Variants in NEDD4L observed in about 807,000 individuals in gnomAD.
NEDD4L encodes the protein E3 ubiquitin-protein ligase NEDD4-like.
Under a neutral mutation model 148.9 loss-of-function variants are expected in NEDD4L, and 54 were observed. The ratio of observed to expected loss-of-function variants is 0.36; its 90% CI spans 0.29 to 0.45. The LOEUF is 0.45. Among genes scored for constraint, NEDD4L ranks in the 20% least tolerant of loss-of-function variants. The pLI is 1.00. For missense variants in NEDD4L, 856 were observed against 1,233.8 expected (o/e 0.69, Z 4.59); for synonymous variants, 433 against 440.7 (o/e 0.98, Z 0.22).
intron 5 of NEDD4L, among the ~76,000 whole-genome samples, chr18:58,263,972 T>C (rs1280910931): frequency 6.7e-6 from 1 of 150,254 alleles, no homozygotes; most frequent in East Asian, 1.9e-4. Context: ...TGGGCTTCTT[T>C]TATATGGTCT....
intron 16 of NEDD4L, among the ~76,000 whole-genome samples, chr18:58,345,508 G>A (rs1040392707): frequency 6.6e-6 from 1 of 152,190 alleles, no homozygotes; most frequent in Non-Finnish European, 1.5e-5. Flanking sequence ...AAACTGGTAG[G>A]ACAGGTTGAA....
chr18:58,351,502 T>C (rs1415497263), intron 18 of NEDD4L, among the ~76,000 whole-genome samples: 1 of 152,254 alleles, frequency 6.6e-6, no homozygotes, highest in Non-Finnish European at 1.5e-5. Context: ...ATTCACGGCA[T>C]GTTTCCTTGC....
At chr18:58,321,418 G>T (rs891026120) in intron 6 of NEDD4L, among the ~76,000 whole-genome samples, 1 of 152,228 alleles carries the variant, frequency 6.6e-6, no homozygotes, top group Admixed American at 6.5e-5. Context: ...GGCAGATGAG[G>T]ACAGGATGGT....
chr18:58,298,934 T>G (rs1477956511), intron 5 of NEDD4L, among the ~76,000 whole-genome samples: 7 of 152,262 alleles, frequency 4.6e-5, no homozygotes, highest in Admixed American at 2.6e-4. Flanking sequence ...TGAGGATTAC[T>G]TAGCCATCAC....
intron 5 of NEDD4L, among the ~76,000 whole-genome samples, chr18:58,309,770 G>A (rs1460496300): frequency 6.6e-6 from 1 of 151,990 alleles, no homozygotes; most frequent in African/African-American, 2.4e-5. Flanking sequence ...ATTTGGTGTG[G>A]GGCAGAGAAC....
At chr18:58,129,604 G>T (rs188186365) in intron 1 of NEDD4L, among the ~76,000 whole-genome samples, 1 of 152,366 alleles carries the variant, frequency 6.6e-6, no homozygotes, top group African/African-American at 2.4e-5. Flanking sequence ...TCATTAAGCT[G>T]TGTGTTCTTA....
chr18:58,277,599 G>C (rs1177970436), intron 5 of NEDD4L, among the ~76,000 whole-genome samples: 1 of 152,110 alleles, frequency 6.6e-6, no homozygotes, highest in Non-Finnish European at 1.5e-5. Flanking sequence ...GGTGTAAATG[G>C]GGTAATTAAA....
In NEDD4L at chr18:58,341,156, G is replaced by A. The variant is rs1257608713; in HGVS notation, c.1244G>A (p.Arg415Gln). The A allele has an allele frequency of 4.3e-6, 7 of 1,612,578 alleles. No homozygotes were observed. Among genetic ancestry groups the A allele is most frequent in the South Asian group, 1.1e-5 (1 of 90,444 alleles). Residue 415 changes from arginine (R) to glutamine (Q), a missense_variant, in exon 14 of 31, where the codon CGA becomes CAA. Arg to Gln is a conservative substitution (Grantham distance 43). Around this residue, in one of 4 missense-constraint regions of NEDD4L, gnomAD observed 367 missense variants for 422.7 expected, o/e 0.87. Coordinates refer to ENST00000400345, the MANE Select transcript of NEDD4L (RefSeq NM_001144967.3). The part of the protein sequence containing the change: ...NHNNRTTTWT[R>Q]PIMQLAEDGA... Reference sequence around the variant, plus strand: ...AACAATCGAACCACAACTTGGACTCGACCTATCATGCAGGTACGAAGATTG... The same window carrying A: ...AACAATCGAACCACAACTTGGACTCAACCTATCATGCAGGTACGAAGATTG...
intron 26 of NEDD4L, among the ~76,000 whole-genome samples, chr18:58,387,059 C>T (rs1323308816): frequency 1.3e-5 from 2 of 152,164 alleles, no homozygotes; most frequent in Non-Finnish European, 2.9e-5. Context: ...CTCTGTGTTT[C>T]TTCTCCCTGC....
At chr18:58,101,534 T>A (rs2084752194) in intron 1 of NEDD4L, among the ~76,000 whole-genome samples, 1 of 152,166 alleles carries the variant, frequency 6.6e-6, no homozygotes, top group African/African-American at 2.4e-5. Flanking sequence ...ATTTCTCGGT[T>A]CCGTCCGTGT....
At chr18:58,172,326 C>T (rs751387974) in intron 2 of NEDD4L, among the ~76,000 whole-genome samples, 4 of 152,178 alleles carry the variant, frequency 2.6e-5, no homozygotes, top group African/African-American at 9.6e-5. Context: ...TTTAGACGCT[C>T]TGTGGTGGGG....
At chr18:58,150,663 G>T (rs1215422003) in intron 1 of NEDD4L, among the ~76,000 whole-genome samples, 1 of 152,236 alleles carries the variant, frequency 6.6e-6, no homozygotes, top group Non-Finnish European at 1.5e-5. Flanking sequence ...ATATTTATTT[G>T]CAGAGAAGTA....
intron 1 of NEDD4L, among the ~76,000 whole-genome samples, chr18:58,097,612 C>A (rs1046712893): frequency 1.4e-4 from 21 of 152,262 alleles, no homozygotes; most frequent in African/African-American, 5.1e-4. Context: ...GCCCAAGGCC[C>A]TTCTGAATAG....
intron 5 of NEDD4L, among the ~76,000 whole-genome samples, chr18:58,299,304 G>A (rs2056136875): frequency 6.6e-6 from 1 of 152,178 alleles, no homozygotes; most frequent in South Asian, 2.1e-4. Context: ...CCCTTAGCAG[G>A]GTGAAGGGAG....
chr18:58,374,923 C>G (rs2047363407), intron 24 of NEDD4L, among the ~76,000 whole-genome samples: 1 of 152,166 alleles, frequency 6.6e-6, no homozygotes, highest in Non-Finnish European at 1.5e-5. Context: ...CCTCTTATCT[C>G]AGGCCGGCGT....
chr18:58,325,922 G>A (rs895133361), intron 9 of NEDD4L, among the ~76,000 whole-genome samples: 2 of 152,154 alleles, frequency 1.3e-5, no homozygotes, highest in African/African-American at 4.8e-5. Flanking sequence ...TTAAGGAAAA[G>A]GAATTTTATC....
At chr18:58,391,613 G>A (rs928152211) in intron 30 of NEDD4L, 54 bp downstream of exon 30, 12 of 1,278,222 alleles carry the variant, frequency 9.4e-6, no homozygotes, top group East Asian at 2.5e-5. Flanking sequence ...GCTTAGCTGG[G>A]TATGGTGCTG....
chr18:58,103,236 T>A (rs917063393), intron 1 of NEDD4L, among the ~76,000 whole-genome samples: 1 of 145,158 alleles, frequency 6.9e-6, no homozygotes, highest in African/African-American at 2.6e-5. Context: ...ATATATTACA[T>A]ATACATATTA....
chr18:58,395,259 C>T (rs1360661060), intron 30 of NEDD4L, among the ~76,000 whole-genome samples: 2 of 152,136 alleles, frequency 1.3e-5, no homozygotes, highest in African/African-American at 2.4e-5. Context: ...CACAGAGGTG[C>T]AGGTTCTGTG....
Sources: allele counts gnomAD v4.1 joint callset (sites outside exome capture counted in the v4.1 genomes callset), GRCh38; gene constraint gnomAD v4.1.1; regional missense constraint gnomAD v4.1.1; transcripts MANE v1.5; gene names NCBI Gene and HGNC (gene_info 2026-07-23, HGNC 2026-07-21).